Variants in WDR43 observed in about 807,000 individuals in gnomAD.
WDR43 encodes the protein WD repeat-containing protein 43.
A neutral mutation model predicts 91.4 loss-of-function variants in WDR43; 13 were observed. That is an observed-to-expected ratio of 0.14 (90% CI 0.09 to 0.23). WDR43 has a LOEUF of 0.23. WDR43 is among the 10% of genes least tolerant of loss of function. The pLI is 1.00. For synonymous variants in WDR43, 331 were observed against 287.9 expected (o/e 1.15, Z -1.51); for missense variants, 780 against 809.4 (o/e 0.96, Z 0.44).
At chr2:28,909,247 T>G (rs2148182392) in intron 3 of WDR43, among the ~76,000 whole-genome samples, 1 of 152,294 alleles carries the variant, frequency 6.6e-6, no homozygotes, top group African/African-American at 2.4e-5. Flanking sequence ...CAAGCGATTC[T>G]TCTGCCTCAG....
At chr2:28,924,649 G>T (rs1309632941) in intron 7 of WDR43, among the ~76,000 whole-genome samples, 1 of 152,116 alleles carries the variant, frequency 6.6e-6, no homozygotes, top group Non-Finnish European at 1.5e-5. Flanking sequence ...AGACGGGACT[G>T]ACTGGAACAG....
intron 14 of WDR43, among the ~76,000 whole-genome samples, chr2:28,939,098 T>G (rs796544932): frequency 1.5e-4 from 10 of 67,780 alleles, no homozygotes; most frequent in Non-Finnish European, 1.5e-4. Flanking sequence ...GAGGGGTTTT[T>G]GGGAGGTGAC....
At chr2:28,922,108 C>G (rs2148189628) in intron 6 of WDR43, among the ~76,000 whole-genome samples, 1 of 152,246 alleles carries the variant, frequency 6.6e-6, no homozygotes, top group South Asian at 2.1e-4. Flanking sequence ...TTAAATACAC[C>G]AGTAAAGAAT....
At chr2:28,898,989 C>CTGGATCAAATGCTGATGA (rs199578132) in intron 1 of WDR43, among the ~76,000 whole-genome samples, 28 of 152,152 alleles carry the variant, frequency 1.8e-4, no homozygotes, top group Non-Finnish European at 5.9e-5. Flanking sequence ...CTGATTGTTT[C>CTGGATCAAATGCTGATGA]TGGATCAAAT....
intron 6 of WDR43, among the ~76,000 whole-genome samples, chr2:28,920,766 T>C (rs1276941405): frequency 1.3e-5 from 2 of 152,082 alleles, no homozygotes; most frequent in Non-Finnish European, 2.9e-5. Flanking sequence ...AAACTCTGCC[T>C]CCCAGGTTCG....
At chr2:28,907,141 C>T (rs1440363346) in intron 3 of WDR43, among the ~76,000 whole-genome samples, 1 of 152,128 alleles carries the variant, frequency 6.6e-6, no homozygotes, top group African/African-American at 2.4e-5. Context: ...CCACCTGATC[C>T]TGAGGTTGGC....
At chr2:28,897,112 A>G (rs1010951722) in intron 1 of WDR43, among the ~76,000 whole-genome samples, 1 of 152,194 alleles carries the variant, frequency 6.6e-6, no homozygotes, top group African/African-American at 2.4e-5. Context: ...ATCTTGAGTC[A>G]CAGAACTGAG....
chr2:28,936,657 T>C (rs1671342121), intron 12 of WDR43, among the ~76,000 whole-genome samples: 1 of 152,178 alleles, frequency 6.6e-6, no homozygotes, highest in Admixed American at 6.5e-5. Context: ...CATTCTTCCT[T>C]CTCCCCAGTT....
chr2:28,897,384 A>G (rs1399571997), intron 1 of WDR43, among the ~76,000 whole-genome samples: 1 of 152,138 alleles, frequency 6.6e-6, no homozygotes, highest in Non-Finnish European at 1.5e-5. Flanking sequence ...CATGAAAAGG[A>G]TGTTGCTCTG....
chr2:28,939,168 T>G, intron 14 of WDR43, among the ~76,000 whole-genome samples: 1 of 147,768 alleles, frequency 6.8e-6, no homozygotes. Flanking sequence ...TGAGAGGAGT[T>G]TTGGGAGGTG....
chr2:28,946,639 A>AAAGATGAGGACGTTGAAGAGG lies in WDR43; in HGVS notation c.1905_1925dup (p.Val636_Asp642dup), dbSNP rs1227069293. The AAAGATGAGGACGTTGAAGAGG allele has an allele frequency of 6.4e-7, 1 of 1,557,018 alleles. No homozygotes were observed. Among genetic ancestry groups the AAAGATGAGGACGTTGAAGAGG allele is most frequent in the Non-Finnish European group, 8.7e-7 (1 of 1,149,672 alleles). On this transcript the variant is annotated inframe_insertion, in exon 18 of 18. Transcript: ENST00000407426. ...AGATGAGGAGGAGAGTGAAAGTGAAAAAGATGAGGACGTTGAAGAGGAAGA... is the reference window on the plus strand; with the variant it reads ...AGATGAGGAGGAGAGTGAAAGTGAAAAAGATGAGGACGTTGAAGAGGAAGATGAGGACGTTGAAGAGGAAGA...
chr2:28,939,509 T>C (rs890641467), intron 14 of WDR43, among the ~76,000 whole-genome samples: 1 of 152,176 alleles, frequency 6.6e-6, no homozygotes, highest in African/African-American at 2.4e-5. Flanking sequence ...AAGGAAACCA[T>C]GGTTTTCCTC....
intron 8 of WDR43, among the ~76,000 whole-genome samples, 178 bp from the exon 9 acceptor site, chr2:28,926,286 AGTCT>A (rs1416301104): frequency 1.3e-5 from 2 of 152,322 alleles, no homozygotes; most frequent in South Asian, 2.1e-4. Flanking sequence ...AACTGCCGTC[AGTCT>A]GAGTGGTGAT....
intron 16 of WDR43, among the ~76,000 whole-genome samples, chr2:28,946,155 G>T (rs1169680436): frequency 6.6e-6 from 1 of 152,044 alleles, no homozygotes; most frequent in Non-Finnish European, 1.5e-5. Context: ...GGGCAACATG[G>T]TGAAACCCTG....
intron 16 of WDR43, 129 bp from the exon 17 acceptor site, chr2:28,946,321 T>G: frequency 1.0e-6 from 1 of 955,332 alleles, no homozygotes; most frequent in Non-Finnish European, 1.5e-6. Context: ...TGTTATTTCT[T>G]AGTTGGATGA....
intron 3 of WDR43, among the ~76,000 whole-genome samples, chr2:28,909,599 G>A (rs1266114155): frequency 6.6e-6 from 1 of 152,164 alleles, no homozygotes; most frequent in Non-Finnish European, 1.5e-5. Flanking sequence ...GTGGCTGGGC[G>A]TGGTGGCTTA....
At chr2:28,907,820 C>T (rs1248778324) in intron 3 of WDR43, among the ~76,000 whole-genome samples, 4 of 150,442 alleles carry the variant, frequency 2.7e-5, no homozygotes, top group African/African-American at 9.7e-5. Context: ...AGGAGAATGG[C>T]GTGAACCCGG....
At chr2:28,929,490 A>G in intron 10 of WDR43, 89 bp from the exon 11 acceptor site, 4 of 1,151,886 alleles carry the variant, frequency 3.5e-6, no homozygotes, top group Non-Finnish European at 3.4e-6. Flanking sequence ...GTGTAAATCT[A>G]TTTTATTTTA....
At chr2:28,914,301 G>A in intron 5 of WDR43, 93 bp downstream of exon 5, 1 of 1,375,314 alleles carries the variant, frequency 7.3e-7, no homozygotes, top group South Asian at 1.6e-5. Context: ...GACTTTATTT[G>A]TTGTATCTAA....
Sources: allele counts gnomAD v4.1 joint callset (sites outside exome capture counted in the v4.1 genomes callset), GRCh38; gene constraint gnomAD v4.1.1; transcripts MANE v1.5; gene names NCBI Gene and HGNC (gene_info 2026-07-23, HGNC 2026-07-21).